ALK: variants seen among roughly 807,000 people sequenced by gnomAD.
The protein encoded by ALK is ALK tyrosine kinase receptor.
Under a neutral mutation model 163.1 loss-of-function variants are expected in ALK, and 74 were observed. The observed-to-expected ratio is 0.45, with a 90% CI of 0.38 to 0.55. ALK has a LOEUF of 0.55. Among genes scored for constraint, ALK ranks in the 20% least tolerant of loss-of-function variants. The pLI is 0.00. For synonymous variants in ALK, 960 were observed against 843.2 expected (o/e 1.14, Z -2.40); for missense variants, 2,063 against 2,105.3 (o/e 0.98, Z 0.39).
At chr2:29,460,871 A>T (rs748881591) in intron 4 of ALK, among the ~76,000 whole-genome samples, 9 of 152,162 alleles carry the variant, frequency 5.9e-5, no homozygotes, top group Non-Finnish European at 1.0e-4. Context: ...TTGGTAAGGA[A>T]GGCATGTTGA....
At chr2:29,768,563 G>T (rs1382201905) in intron 1 of ALK, among the ~76,000 whole-genome samples, 1 of 152,084 alleles carries the variant, frequency 6.6e-6, no homozygotes, top group African/African-American at 2.4e-5. Flanking sequence ...GGTATATAAA[G>T]TTCTTAATTA....
chr2:29,775,135 G>T (rs1681136876), intron 1 of ALK, among the ~76,000 whole-genome samples: 1 of 152,122 alleles, frequency 6.6e-6, no homozygotes, highest in Non-Finnish European at 1.5e-5. Flanking sequence ...ATAAGCACAA[G>T]GTCCCCTTTG....
At chr2:29,780,713 C>T (rs923236706) in intron 1 of ALK, among the ~76,000 whole-genome samples, 92 of 152,278 alleles carry the variant, frequency 6.0e-4, no homozygotes, top group African/African-American at 2.2e-3. Context: ...TTCGGGGTAA[C>T]AGATGCCACA....
chr2:29,432,772 G>T (rs996856250), intron 4 of ALK, among the ~76,000 whole-genome samples: 2 of 146,700 alleles, frequency 1.4e-5, no homozygotes, highest in Non-Finnish European at 1.5e-5. Flanking sequence ...TGGATCCATT[G>T]CGCATCAATT....
At chr2:29,565,348 G>A (rs953079670) in intron 3 of ALK, among the ~76,000 whole-genome samples, 4 of 152,214 alleles carry the variant, frequency 2.6e-5, no homozygotes, top group Admixed American at 1.3e-4. Flanking sequence ...TGGTGAGCAC[G>A]GAAGGGCAGG....
At chr2:29,260,858 A>AC (rs1388691184) in intron 11 of ALK, among the ~76,000 whole-genome samples, 1 of 151,936 alleles carries the variant, frequency 6.6e-6, no homozygotes, top group East Asian at 1.9e-4. Context: ...ACAAAAAAAA[A>AC]AACAACAACA....
chr2:29,395,669 A>T (rs1328487220), intron 4 of ALK, among the ~76,000 whole-genome samples: 1 of 152,222 alleles, frequency 6.6e-6, no homozygotes, highest in African/African-American at 2.4e-5. Flanking sequence ...CTTTCTGTAT[A>T]GAGCTGTCCA....
chr2:29,260,426 G>C (rs915103321), intron 11 of ALK, among the ~76,000 whole-genome samples: 2 of 152,090 alleles, frequency 1.3e-5, no homozygotes, highest in Non-Finnish European at 2.9e-5. Flanking sequence ...ATTTGATCTT[G>C]ATGCTCTTCT....
At chr2:29,830,101 A>G (rs1293080950) in intron 1 of ALK, among the ~76,000 whole-genome samples, 1 of 152,202 alleles carries the variant, frequency 6.6e-6, no homozygotes, top group African/African-American at 2.4e-5. Context: ...CTGAAGACAG[A>G]GTGTTTGTGT....
intron 1 of ALK, among the ~76,000 whole-genome samples, chr2:29,825,726 A>G (rs1443291561): frequency 2.0e-5 from 3 of 151,850 alleles, no homozygotes; most frequent in Non-Finnish European, 4.4e-5. Flanking sequence ...TTTTTTTTTA[A>G]ATCGTTGTGT....
chr2:29,698,766 G>A (rs1011099943), intron 2 of ALK, among the ~76,000 whole-genome samples: 7 of 152,216 alleles, frequency 4.6e-5, no homozygotes, highest in South Asian at 2.1e-4. Context: ...CAAATGTACC[G>A]ATTAAAATGC....
At chr2:29,301,255 T>C (rs551441797) in intron 8 of ALK, among the ~76,000 whole-genome samples, 4 of 152,306 alleles carry the variant, frequency 2.6e-5, no homozygotes, top group African/African-American at 7.2e-5. Context: ...CTCTTTCCTT[T>C]TCAGGAGGCC....
chr2:29,447,950 G>C (rs1670727571), intron 4 of ALK, among the ~76,000 whole-genome samples: 1 of 152,176 alleles, frequency 6.6e-6, no homozygotes, highest in African/African-American at 2.4e-5. Flanking sequence ...TGTAGTGAAA[G>C]GGTGAACAAA....
At chr2:29,857,088 A>G (rs1448409652) in intron 1 of ALK, among the ~76,000 whole-genome samples, 1 of 152,178 alleles carries the variant, frequency 6.6e-6, no homozygotes, top group East Asian at 1.9e-4. Context: ...TGGAGTTAGA[A>G]CTGGGCTCGA....
rs115771302 is a variant in ALK, at chr2:29,622,175, G to A, written c.952+72675C>T. Among the ~76,000 whole-genome samples the A allele has an allele frequency of 5.2e-3, 792 of 152,188 alleles. 8 individuals are homozygous for A. The highest frequency in any genetic ancestry group is 0.017 in the African/African-American group (698 of 41,510). ...TATATCATCAGAAATTCTCTTGCAGGGTTCTTCTGAGGCTGCTTTTATTAT... is the reference window on the plus strand; with the variant it reads ...TATATCATCAGAAATTCTCTTGCAGAGTTCTTCTGAGGCTGCTTTTATTAT... On this transcript the variant is annotated intron_variant, in intron 3 of 28. Transcript: ENST00000389048.
At chr2:29,453,612 C>T (rs918699200) in intron 4 of ALK, among the ~76,000 whole-genome samples, 7 of 151,988 alleles carry the variant, frequency 4.6e-5, no homozygotes, top group Non-Finnish European at 8.8e-5. Context: ...TGTGCTAGAA[C>T]AGTACCTGCT....
At chr2:29,705,564 A>AGT (rs1678885469) in intron 2 of ALK, among the ~76,000 whole-genome samples, 1 of 151,504 alleles carries the variant, frequency 6.6e-6, no homozygotes, top group East Asian at 2.0e-4. Context: ...GAGGCACCAG[A>AGT]GTGTCTGGGG....
intron 1 of ALK, among the ~76,000 whole-genome samples, chr2:29,782,119 A>G (rs1663832806): frequency 6.6e-6 from 1 of 152,164 alleles, no homozygotes; most frequent in Non-Finnish European, 1.5e-5. Context: ...AATAATAGAA[A>G]CACAAAAATG....
intron 3 of ALK, among the ~76,000 whole-genome samples, chr2:29,555,544 C>A (rs1673829248): frequency 6.6e-6 from 1 of 152,172 alleles, no homozygotes; most frequent in Non-Finnish European, 1.5e-5. Flanking sequence ...TGTCTGTTCT[C>A]TCCACCCCTG....
Sources: gnomAD v4.1 joint callset for allele counts (sites outside exome capture counted in the v4.1 genomes callset) on GRCh38, gnomAD v4.1.1 for gene constraint, MANE v1.5 for transcripts, NCBI Gene and HGNC (gene_info 2026-07-23, HGNC 2026-07-21) for gene names.